The following EBF1 variants were observed in gnomAD, a reference collection of about 807,000 sequenced individuals.
The protein encoded by EBF1 is transcription factor COE1.
EBF1 carries 10 observed loss-of-function variants against 68.4 expected under a neutral mutation model. The ratio of observed to expected loss-of-function variants is 0.15; its 90% CI spans 0.09 to 0.25. EBF1 has a LOEUF of 0.25. Among genes scored for constraint, EBF1 ranks in the 10% least tolerant of loss-of-function variants. The pLI is 1.00. For synonymous variants in EBF1, 298 were observed against 299.8 expected, an observed-to-expected ratio of 0.99 and a Z score of 0.06; for missense variants, 509 against 794.4, an observed-to-expected ratio of 0.64 and a Z score of 4.32.
chr5:158,726,687 T>C (rs1381882095), intron 11 of EBF1, among the ~76,000 whole-genome samples: 1 of 151,954 alleles, frequency 6.6e-6, no homozygotes, highest in African/African-American at 2.4e-5. Context: ...AGTAGGGAAA[T>C]GAGAGAAAGC....
chr5:158,933,472 T>G (rs1811335682), intron 6 of EBF1, among the ~76,000 whole-genome samples: 1 of 152,228 alleles, frequency 6.6e-6, no homozygotes, highest in South Asian at 2.1e-4. Flanking sequence ...TATGTGGGCT[T>G]TGGAGATGCT....
intron 6 of EBF1, among the ~76,000 whole-genome samples, chr5:159,000,693 C>A (rs564733969): frequency 2.3e-4 from 35 of 152,226 alleles, no homozygotes; most frequent in African/African-American, 8.2e-4. Context: ...CTGATGAGAT[C>A]AATGGTGATA....
Position 159,020,022 on chromosome 5 carries a change from C to T in EBF1, c.554+53374G>A, listed in dbSNP as rs1015725562. ...ACCTCAGCCCTGGGATCTCAGTTTC[C>T]CCACCTAAGAATGAGGTGGATGGAC... is the stretch of plus-strand genomic sequence containing the variant. On this transcript the variant is annotated intron_variant, in intron 6 of 15. Coordinates refer to ENST00000313708, the MANE Select transcript of EBF1 (RefSeq NM_024007.5). 4.1e-4 allele frequency among the ~76,000 whole-genome samples: 63 copies of T among 152,098 alleles called. 1 individual carries two copies. The highest frequency in any genetic ancestry group is 1.4e-3 in the African/African-American group (58 of 41,490).
chr5:158,969,885 AAAG>A (rs1561662496), intron 6 of EBF1, among the ~76,000 whole-genome samples: 26 of 107,626 alleles, frequency 2.4e-4, no homozygotes, highest in African/African-American at 3.4e-4. Flanking sequence ...AGAAAGAAAG[AAAG>A]AAAGAAAGAA....
chr5:159,095,493 G>C, intron 4 of EBF1, 127 bp downstream of exon 4: 1 of 1,092,162 alleles, frequency 9.2e-7, no homozygotes, highest in Non-Finnish European at 1.3e-6. Flanking sequence ...TGCAAGTTTG[G>C]TCTGAGCCGC....
At chr5:159,086,279 G>A (rs761029085) in intron 4 of EBF1, among the ~76,000 whole-genome samples, 35 of 152,072 alleles carry the variant, frequency 2.3e-4, no homozygotes, top group Non-Finnish European at 4.1e-4. Flanking sequence ...ACTTCAGCCT[G>A]TATGTCTTCA....
intron 6 of EBF1, among the ~76,000 whole-genome samples, chr5:158,848,331 T>A (rs1791950851): frequency 6.6e-6 from 1 of 152,164 alleles, no homozygotes; most frequent in Non-Finnish European, 1.5e-5. Context: ...ATTCTTATTA[T>A]CATCACCAGA....
chr5:158,839,901 G>T (rs968006883), intron 7 of EBF1, 128 bp downstream of exon 7: 1 of 803,554 alleles, frequency 1.2e-6, no homozygotes, highest in Non-Finnish European at 2.1e-6. Flanking sequence ...AGATACCTGG[G>T]GGACCAAGGG....
chr5:158,895,645 A>C (rs558382491), intron 6 of EBF1, among the ~76,000 whole-genome samples: 52 of 152,300 alleles, frequency 3.4e-4, no homozygotes, highest in Non-Finnish European at 6.5e-4. Flanking sequence ...AATAAACCAA[A>C]TACTTCCTGA....
intron 6 of EBF1, among the ~76,000 whole-genome samples, chr5:158,888,275 CGT>C (rs1047605147): frequency 6.6e-5 from 10 of 151,208 alleles, no homozygotes; most frequent in African/African-American, 2.2e-4. Flanking sequence ...TGTGTGCGTG[CGT>C]GTGTGTGTGT....
intron 6 of EBF1, among the ~76,000 whole-genome samples, chr5:158,951,419 G>A (rs914191291): frequency 5.9e-5 from 9 of 152,200 alleles, no homozygotes; most frequent in East Asian, 3.9e-4. Context: ...GCAGGTGCAC[G>A]TTCACAATGG....
intron 6 of EBF1, among the ~76,000 whole-genome samples, chr5:158,964,958 A>G (rs1440412526): frequency 6.6e-6 from 1 of 152,250 alleles, no homozygotes; most frequent in Non-Finnish European, 1.5e-5. Flanking sequence ...TTCAGTAAAC[A>G]GAGATAGCTT....
intron 6 of EBF1, among the ~76,000 whole-genome samples, chr5:158,960,917 G>A (rs891853747): frequency 1.3e-5 from 2 of 152,142 alleles, no homozygotes; most frequent in Non-Finnish European, 1.5e-5. Context: ...AGCCCCGGTC[G>A]AGCCTTCAGA....
intron 6 of EBF1, among the ~76,000 whole-genome samples, chr5:158,994,347 C>G (rs1356157329): frequency 6.6e-6 from 1 of 152,226 alleles, no homozygotes. Context: ...TTTGCCCAAA[C>G]CCAGCAAGCA....
chr5:158,746,406 T>A (rs1183333176), intron 10 of EBF1, among the ~76,000 whole-genome samples: 1 of 152,144 alleles, frequency 6.6e-6, no homozygotes, highest in Non-Finnish European at 1.5e-5. Context: ...AGAGACTGGA[T>A]CTGTATTAAG....
Position 158,714,367 on chromosome 5 carries a change from G to A in EBF1, c.1126-185C>T, listed in dbSNP as rs1760150609. On this transcript the variant is annotated intron_variant, in intron 11 of 15. Coordinates refer to ENST00000313708, the MANE Select transcript of EBF1 (RefSeq NM_024007.5). ...TCCCTGTTCACATACACACTTAATT[G>A]AGTCAAAAGGTGAGCATCATTGGTA... is the stretch of plus-strand genomic sequence containing the variant. Among the ~76,000 whole-genome samples the A allele has an allele frequency of 5.3e-5, 8 of 152,298 alleles. No homozygotes were observed. In the South Asian group the frequency reaches 1.7e-3, roughly 32 times the overall value.
intron 8 of EBF1, among the ~76,000 whole-genome samples, chr5:158,816,529 G>A (rs1783773442): frequency 1.3e-5 from 2 of 152,256 alleles, no homozygotes; most frequent in African/African-American, 2.4e-5. Context: ...ACTTCACTCA[G>A]TGTGAGCTGT....
At chr5:158,944,592 G>C (rs1248817569) in intron 6 of EBF1, among the ~76,000 whole-genome samples, 2 of 152,204 alleles carry the variant, frequency 1.3e-5, no homozygotes, top group African/African-American at 4.8e-5. Context: ...CCAGTAACGG[G>C]ATTGCTGGGT....
At chr5:159,022,076 A>AAAAAT (rs55750500) in intron 6 of EBF1, among the ~76,000 whole-genome samples, 2 of 150,014 alleles carry the variant, frequency 1.3e-5, no homozygotes, top group African/African-American at 4.9e-5. Flanking sequence ...AAAAAAAAAA[A>AAAAAT]GGCAAGAGAA....
Sources: gnomAD v4.1 joint callset for allele counts (sites outside exome capture counted in the v4.1 genomes callset) on GRCh38, gnomAD v4.1.1 for gene constraint, MANE v1.5 for transcripts, NCBI Gene and HGNC (gene_info 2026-07-23, HGNC 2026-07-21) for gene names.